MMS22L: variants seen among roughly 807,000 people sequenced by gnomAD.
MMS22L encodes protein MMS22-like.
In MMS22L, 74 loss-of-function variants were observed where a neutral mutation model predicts 159.1. The ratio of observed to expected loss-of-function variants is 0.47; its 90% confidence interval spans 0.39 to 0.56. The LOEUF is 0.56. MMS22L is among the 20% of genes least tolerant of loss of function. The pLI is 0.00. For synonymous variants in MMS22L, 517 were observed against 506.9 expected (o/e 1.02, Z -0.27); for missense variants, 1,351 against 1,422.1 (o/e 0.95, Z 0.80).
intron 16 of MMS22L, 28 bp downstream of exon 16, chr6:97,181,876 T>C (rs199514659): frequency 2.5e-6 from 4 of 1,599,852 alleles, no homozygotes; most frequent in Admixed American, 1.7e-5. Context: ...TTTGCATTAA[T>C]GTGTATGCCT....
chr6:97,206,412 A>G (rs1807793915), intron 14 of MMS22L, among the ~76,000 whole-genome samples: 2 of 123,860 alleles, frequency 1.6e-5, no homozygotes, highest in Non-Finnish European at 3.7e-5. Flanking sequence ...CACACACACT[A>G]GACCTTCAGT....
chr6:97,165,648 A>G (rs1376704073), intron 20 of MMS22L, among the ~76,000 whole-genome samples, 191 bp from the exon 21 acceptor site: 1 of 152,162 alleles, frequency 6.6e-6, no homozygotes, highest in Non-Finnish European at 1.5e-5. Context: ...AATACATATG[A>G]TATGGCATCT....
At chr6:97,233,215 C>T (rs1811055295) in intron 12 of MMS22L, among the ~76,000 whole-genome samples, 1 of 152,148 alleles carries the variant, frequency 6.6e-6, no homozygotes, top group African/African-American at 2.4e-5. Context: ...TATCTTCGGT[C>T]TCTCCATAGT....
At chr6:97,214,867 A>G (rs1808814155) in intron 14 of MMS22L, among the ~76,000 whole-genome samples, 1 of 151,046 alleles carries the variant, frequency 6.6e-6, no homozygotes, top group Non-Finnish European at 1.5e-5. Context: ...TTTAAAGATT[A>G]GTTGTTTGCA....
chr6:97,266,495 C>T (rs566297673), intron 8 of MMS22L: 1 of 152,282 alleles, frequency 6.6e-6, no homozygotes, highest in South Asian at 2.1e-4. Flanking sequence ...CACTTAACAG[C>T]AGGACATGTT....
chr6:97,193,811 A>AG (rs1474519050), intron 14 of MMS22L, among the ~76,000 whole-genome samples: 3 of 152,264 alleles, frequency 2.0e-5, no homozygotes, highest in Middle Eastern at 3.4e-3. Flanking sequence ...CCCAGGCTGG[A>AG]GTGCAGTGGC....
At chr6:97,239,860 C>T (rs1462023980) in intron 11 of MMS22L, among the ~76,000 whole-genome samples, 1 of 152,132 alleles carries the variant, frequency 6.6e-6, no homozygotes, top group African/African-American at 2.4e-5. Flanking sequence ...GAGCTATAAC[C>T]ACACCACTGT....
intron 19 of MMS22L, among the ~76,000 whole-genome samples, chr6:97,169,938 C>T (rs1350407763): frequency 2.0e-5 from 3 of 151,798 alleles, no homozygotes; most frequent in East Asian, 1.9e-4. Context: ...TTTAGTTGCC[C>T]GTGGTATAGG....
At chr6:97,264,234 A>G (rs545727317) in intron 8 of MMS22L, 1 of 152,272 alleles carries the variant, frequency 6.6e-6, no homozygotes, top group Admixed American at 6.5e-5. Flanking sequence ...AGTCATCTAC[A>G]ACAAAAGACT....
At chr6:97,256,341 T>C (rs954972761) in intron 9 of MMS22L, among the ~76,000 whole-genome samples, 2 of 152,170 alleles carry the variant, frequency 1.3e-5, no homozygotes, top group Non-Finnish European at 2.9e-5. Flanking sequence ...ACTATTACTA[T>C]GTGCTTTAGC....
chr6:97,195,561 G>C (rs1806403278), intron 14 of MMS22L, among the ~76,000 whole-genome samples: 1 of 152,202 alleles, frequency 6.6e-6, no homozygotes, highest in East Asian at 1.9e-4. Context: ...CATTTGTTCA[G>C]TCATATGTTT....
At chr6:97,201,878 C>T (rs1807206511) in intron 14 of MMS22L, among the ~76,000 whole-genome samples, 1 of 152,174 alleles carries the variant, frequency 6.6e-6, no homozygotes, top group African/African-American at 2.4e-5. Context: ...TCAACTGGTA[C>T]ACATCTTGTC....
chr6:97,158,433 C>T (rs1001144607), intron 22 of MMS22L, among the ~76,000 whole-genome samples: 18 of 152,244 alleles, frequency 1.2e-4, no homozygotes, highest in African/African-American at 4.3e-4. Flanking sequence ...TTTCTGCTTT[C>T]TCTTGTGGGC....
intron 19 of MMS22L, among the ~76,000 whole-genome samples, chr6:97,169,302 C>T (rs947404546): frequency 2.6e-5 from 4 of 152,014 alleles, no homozygotes; most frequent in Non-Finnish European, 5.9e-5. Context: ...TAATTAAGAG[C>T]AGATATATAA....
At position 97,272,774 on chromosome 6, in the gene MMS22L, A is replaced by G. The variant is rs766895542; in HGVS notation, c.536T>C (p.Leu179Ser). The change falls in exon 6 of 25, where the codon TTG (leucine) becomes TCG (serine). Residue 179 changes from leucine to serine, a missense_variant. By Grantham distance (145) the Leu-to-Ser change is moderately radical. Coordinates refer to ENST00000683635, the MANE Select transcript of MMS22L (RefSeq NM_001350599.2). ...VLIDELHGLLLYIGHLSELPS... is the reference protein window; with the variant it reads ...VLIDELHGLLSYIGHLSELPS... ...AAGTTCAGATAGGTGTCCAATATAC[A>G]AGAGTAATCCATGAAGCTCATCAAT... 1.2e-6 allele frequency: 2 copies of G among 1,614,060 alleles called. No homozygotes were observed. Among genetic ancestry groups the G allele is most frequent in the East Asian group, 2.2e-5 (1 of 44,868 alleles).
chr6:97,179,618 T>A, intron 16 of MMS22L, 59 bp from the exon 17 acceptor site: 109 of 1,329,866 alleles, frequency 8.2e-5, no homozygotes, highest in Non-Finnish European at 1.1e-4. Context: ...GTATAGAGAT[T>A]AAGAAGTAAA....
At chr6:97,272,624 A>T (rs990497689) in intron 6 of MMS22L, 80 bp downstream of exon 6, 3 of 1,281,114 alleles carry the variant, frequency 2.3e-6, no homozygotes, top group Non-Finnish European at 3.3e-6. Context: ...AATTCTGACT[A>T]ATTTCTCTCC....
intron 14 of MMS22L, among the ~76,000 whole-genome samples, chr6:97,207,961 C>T (rs924804528): frequency 1.3e-5 from 2 of 151,944 alleles, no homozygotes; most frequent in Non-Finnish European, 2.9e-5. Flanking sequence ...AATCTTGGAC[C>T]ACAGGAACAG....
chr6:97,252,570 G>T (rs899872452), intron 10 of MMS22L, among the ~76,000 whole-genome samples: 2 of 151,184 alleles, frequency 1.3e-5, no homozygotes, highest in East Asian at 3.9e-4. Flanking sequence ...ACCTGAACCC[G>T]TGAGGCAGAG....
Sources: gnomAD v4.1 joint callset for allele counts (sites outside exome capture counted in the v4.1 genomes callset) on GRCh38, gnomAD v4.1.1 for gene constraint, MANE v1.5 for transcripts, NCBI Gene and HGNC (gene_info 2026-07-23, HGNC 2026-07-21) for gene names.